CCDC148: variants seen among roughly 807,000 people sequenced by gnomAD.
The protein encoded by CCDC148 is coiled-coil domain containing 148, also known as coiled-coil domain-containing protein 148.
In CCDC148, 89 loss-of-function variants were observed where a neutral mutation model predicts 85.7. That is an observed-to-expected ratio of 1.04 (90% CI 0.87 to 1.24). The LOEUF (loss-of-function observed/expected upper bound fraction) is 1.24, where lower values mean the gene tolerates loss of function less well. CCDC148 is among the 50% of genes most tolerant of loss of function. CCDC148 has a pLI of 0.00. For missense variants in CCDC148, 692 were observed against 671.7 expected, an observed-to-expected ratio of 1.03 and a Z score of -0.33; for synonymous variants, 230 against 213.9, an observed-to-expected ratio of 1.08 and a Z score of -0.66.
chr2:158,183,085 C>T (rs944399119), intron 11 of CCDC148, among the ~76,000 whole-genome samples: 2 of 152,092 alleles, frequency 1.3e-5, no homozygotes, highest in African/African-American at 4.8e-5. Context: ...TTATATGCTC[C>T]CTGAGTCTAC....
At chr2:158,195,603 C>T (rs1685634201) in intron 11 of CCDC148, among the ~76,000 whole-genome samples, 1 of 152,098 alleles carries the variant, frequency 6.6e-6, no homozygotes, top group South Asian at 2.1e-4. Context: ...TCAGAGCCTC[C>T]CTTTTTGGTC....
intron 11 of CCDC148, among the ~76,000 whole-genome samples, chr2:158,182,311 G>C (rs1021923781): frequency 2.0e-5 from 3 of 152,082 alleles, no homozygotes; most frequent in Non-Finnish European, 4.4e-5. Context: ...ACAACACTTA[G>C]GAAAGGGAAA....
chr2:158,366,203 T>C, intron 1 of CCDC148: 1 of 626,768 alleles, frequency 1.6e-6, no homozygotes. Flanking sequence ...TTAATTTTAT[T>C]AAAATTTGCT....
chr2:158,208,570 A>G (rs1400267485), intron 11 of CCDC148, among the ~76,000 whole-genome samples: 2 of 152,186 alleles, frequency 1.3e-5, no homozygotes, highest in African/African-American at 4.8e-5. Flanking sequence ...ACAGGAACAA[A>G]GGCAGTGTTG....
At chr2:158,232,982 C>A (rs756060533) in intron 10 of CCDC148, among the ~76,000 whole-genome samples, 49 of 152,090 alleles carry the variant, frequency 3.2e-4, no homozygotes, top group Non-Finnish European at 6.0e-4. Context: ...AATCACAATT[C>A]ATTGTATCTT....
intron 1 of CCDC148, among the ~76,000 whole-genome samples, chr2:158,382,971 G>A (rs13401593): frequency 0.058 from 8,744 of 151,552 alleles, 479 homozygotes; most frequent in African/African-American, 0.15. Context: ...ATATTTCAAT[G>A]ACACAGTTTT....
intron 11 of CCDC148, among the ~76,000 whole-genome samples, chr2:158,211,877 C>T (rs1253649155): frequency 1.3e-5 from 2 of 152,206 alleles, no homozygotes; most frequent in Admixed American, 6.5e-5. Context: ...TTCTTATCCT[C>T]TCTGTCAATC....
intron 9 of CCDC148, among the ~76,000 whole-genome samples, chr2:158,306,484 A>G (rs1017031483): frequency 6.6e-6 from 1 of 152,208 alleles, no homozygotes; most frequent in Non-Finnish European, 1.5e-5. Flanking sequence ...TACACCATGG[A>G]ATACTATGCA....
intron 1 of CCDC148, among the ~76,000 whole-genome samples, chr2:158,385,839 A>G (rs1685063954): frequency 6.6e-6 from 1 of 152,070 alleles, no homozygotes; most frequent in Non-Finnish European, 1.5e-5. Flanking sequence ...GCAAGAGAGC[A>G]TACCCTGTTA....
In CCDC148 at chr2:158,338,901, C is replaced by G; in HGVS notation, c.589G>C (p.Asp197His). 6.2e-7 allele frequency: 1 copy of G among 1,601,668 alleles called. No individual in the cohort carries two copies. The highest frequency in any genetic ancestry group is 8.5e-7 in the Non-Finnish European group (1 of 1,176,492). Residue 197 changes from aspartate to histidine, a missense_variant, in exon 7 of 14, where the codon GAT becomes CAT. Asp to His is a moderately conservative substitution (Grantham distance 81). Transcript: ENST00000283233. ...DLSDWSIKILDHSLEEKTNPL... is the reference protein window; with the variant it reads ...DLSDWSIKILHHSLEEKTNPL... ...TTAGTCTTTTCTTCCAAAGAATGAT[C>G]TAGAATCTGAAAAAAAGTATATGAT...
chr2:158,362,776 C>G (rs1323985471), intron 1 of CCDC148, among the ~76,000 whole-genome samples: 1 of 151,806 alleles, frequency 6.6e-6, no homozygotes, highest in Non-Finnish European at 1.5e-5. Flanking sequence ...GAAGCAAGAG[C>G]AAACAAATTC....
At chr2:158,416,936 T>C (rs1348883665) in intron 1 of CCDC148, among the ~76,000 whole-genome samples, 1 of 152,102 alleles carries the variant, frequency 6.6e-6, no homozygotes, top group Non-Finnish European at 1.5e-5. Context: ...GAAACATGGC[T>C]AGGAAGGCCT....
At chr2:158,442,598 G>A (rs1471603007) in intron 1 of CCDC148, among the ~76,000 whole-genome samples, 1 of 152,188 alleles carries the variant, frequency 6.6e-6, no homozygotes, top group Non-Finnish European at 1.5e-5. Context: ...ATCCCAGGAT[G>A]ATAGCAGGAA....
chr2:158,431,718 C>A (rs937892979), intron 1 of CCDC148, among the ~76,000 whole-genome samples: 4 of 152,140 alleles, frequency 2.6e-5, no homozygotes, highest in African/African-American at 9.7e-5. Context: ...GCAGGCAGAT[C>A]ACTTGAGGTC....
intron 1 of CCDC148, among the ~76,000 whole-genome samples, chr2:158,445,257 G>A (rs953980305): frequency 2.0e-5 from 3 of 152,092 alleles, no homozygotes; most frequent in Admixed American, 6.5e-5. Flanking sequence ...AATTCTGTGT[G>A]GGCAGATATT....
intron 9 of CCDC148, among the ~76,000 whole-genome samples, chr2:158,251,153 T>C (rs928677997): frequency 6.6e-6 from 1 of 151,760 alleles, no homozygotes; most frequent in African/African-American, 2.4e-5. Flanking sequence ...TGGAATAGGG[T>C]TCCTAAAGAG....
intron 7 of CCDC148, among the ~76,000 whole-genome samples, chr2:158,314,246 A>G (rs1692178317): frequency 6.6e-6 from 1 of 152,252 alleles, no homozygotes; most frequent in Non-Finnish European, 1.5e-5. Flanking sequence ...CAGATTAAAA[A>G]GGAATTTTAT....
At chr2:158,259,113 C>G (rs1689120278) in intron 9 of CCDC148, among the ~76,000 whole-genome samples, 1 of 151,556 alleles carries the variant, frequency 6.6e-6, no homozygotes, top group Non-Finnish European at 1.5e-5. Flanking sequence ...TGTTCTTTCC[C>G]CCTCCCTGCC....
At chr2:158,188,543 CAGA>C (rs1184293028) in intron 11 of CCDC148, among the ~76,000 whole-genome samples, 2 of 151,842 alleles carry the variant, frequency 1.3e-5, no homozygotes, top group African/African-American at 4.8e-5. Context: ...TAACCATATG[CAGA>C]AGAACAAAAC....
Sources: gnomAD v4.1 joint callset for allele counts (sites outside exome capture counted in the v4.1 genomes callset) on GRCh38, gnomAD v4.1.1 for gene constraint, MANE v1.5 for transcripts, NCBI Gene and HGNC (gene_info 2026-07-23, HGNC 2026-07-21) for gene names.